The following DENND2A variants were observed in gnomAD, a reference collection of about 807,000 sequenced individuals.
The protein encoded by DENND2A is DENN domain-containing protein 2A.
A neutral mutation model predicts 105.3 loss-of-function variants in DENND2A; 53 were observed. The observed-to-expected ratio is 0.50, with a 90% CI of 0.40 to 0.63. The LOEUF (loss-of-function observed/expected upper bound fraction) is 0.63, where lower values mean the gene tolerates loss of function less well. DENND2A is among the 30% of genes least tolerant of loss of function. The pLI, the probability that DENND2A is intolerant of heterozygous loss-of-function variation, is 0.00. For missense variants in DENND2A, 1,138 were observed against 1,279.6 expected (o/e 0.89, Z 1.69); for synonymous variants, 522 against 508.4 (o/e 1.03, Z -0.36).
chr7:140,596,432 A>G (rs1799285726), intron 3 of DENND2A, among the ~76,000 whole-genome samples: 1 of 152,316 alleles, frequency 6.6e-6, no homozygotes, highest in Non-Finnish European at 1.5e-5. Flanking sequence ...ACTGAGATGG[A>G]CCACAGCTTG....
Position 140,522,678 on chromosome 7 carries a change from G to A in DENND2A, c.2666-578C>T, listed in dbSNP as rs547739052. On this transcript the variant is annotated intron_variant, in intron 17 of 19. Transcript: ENST00000496613. ...GGCTGGAGTGCAGTGGTGTGATCTC[G>A]GTCCACTGCAACCTCTGCCTCCTAG... Among the ~76,000 whole-genome samples, 18 of 148,226 alleles carry A rather than the reference G, an allele frequency of 1.2e-4. 1 individual carries two copies. Among genetic ancestry groups the A allele is most frequent in the South Asian group, 8.7e-4 (4 of 4,622 alleles).
Position 140,626,549 on chromosome 7 carries a change from G to A in DENND2A, c.-248+13955C>T, listed in dbSNP as rs10225828. Among the ~76,000 whole-genome samples the A allele has an allele frequency of 2.5e-3, 380 of 152,206 alleles. 6 individuals are homozygous for A. The highest frequency in any genetic ancestry group is 8.7e-3 in the African/African-American group (362 of 41,560). On this transcript the variant is annotated intron_variant, in intron 1 of 19. Transcript: ENST00000496613. ...TGAATGGAATGCACCCGTAGGTCAC[G>A]TTCGTTTGCTTGCTTCCTGGCACAT...
chr7:140,552,974 C>T (rs1358659055), intron 12 of DENND2A, among the ~76,000 whole-genome samples: 1 of 151,956 alleles, frequency 6.6e-6, no homozygotes, highest in African/African-American at 2.4e-5. Flanking sequence ...TATAGAAATG[C>T]TTTTAGGGGT....
At chr7:140,556,217 C>T (rs1002156402) in intron 11 of DENND2A, among the ~76,000 whole-genome samples, 6 of 152,020 alleles carry the variant, frequency 3.9e-5, no homozygotes, top group Non-Finnish European at 5.9e-5. Flanking sequence ...GGGGTTTCGC[C>T]ATATTGGCCA....
chr7:140,548,429 G>C lies in DENND2A; in HGVS notation c.2038-1490C>G, dbSNP rs557207714. On this transcript the variant is annotated intron_variant, in intron 12 of 19. Transcript: ENST00000496613. ...CCCAGCTACTTGGAAGGCTGAGGCA[G>C]GAGAATTGCTTGAGCCCAGGAATTT... Among the ~76,000 whole-genome samples the C allele has an allele frequency of 8.6e-5, 13 of 152,014 alleles. No individual in the cohort carries two copies. In the South Asian group the frequency reaches 2.7e-3, roughly 32 times the overall value.
chr7:140,635,630 T>C (rs569463879), intron 1 of DENND2A, among the ~76,000 whole-genome samples: 72 of 152,306 alleles, frequency 4.7e-4, no homozygotes, highest in Admixed American at 1.6e-3. Context: ...CTAAGCTTGC[T>C]GCAAGGGTGA....
chr7:140,624,858 G>T (rs78480320), intron 1 of DENND2A, among the ~76,000 whole-genome samples: 1,550 of 123,252 alleles, frequency 0.013, 33 homozygotes, highest in African/African-American at 0.05. Context: ...TGTTTTTTTT[G>T]TTTTTTTTTG....
Position 140,567,069 on chromosome 7 carries a change from C to T in DENND2A, c.1779+17G>A. 6.4e-7 allele frequency: 1 copy of T among 1,558,292 alleles called. No individual in the cohort carries two copies. Among genetic ancestry groups the T allele is most frequent in the Middle Eastern group, 1.7e-4 (1 of 5,968 alleles). On this transcript the variant is annotated intron_variant, in intron 9 of 19. Coordinates refer to ENST00000496613, the MANE Select transcript of DENND2A (RefSeq NM_015689.5). ...TTAGAACCCTGGCAGGCCACAGGGACCTGGCCACCCTGTTACCTTCAGAGG... is the reference window on the plus strand; with the variant it reads ...TTAGAACCCTGGCAGGCCACAGGGATCTGGCCACCCTGTTACCTTCAGAGG...
intron 8 of DENND2A, among the ~76,000 whole-genome samples, chr7:140,567,945 G>C (rs1025957538): frequency 6.6e-6 from 1 of 152,086 alleles, no homozygotes; most frequent in African/African-American, 2.4e-5. Context: ...ATCTGGACTT[G>C]CTTTCTTTTT....
chr7:140,603,809 C>A (rs1481841988), intron 2 of DENND2A, among the ~76,000 whole-genome samples: 1 of 152,204 alleles, frequency 6.6e-6, no homozygotes, highest in Non-Finnish European at 1.5e-5. Context: ...ACACCTGCCA[C>A]ATGTCAAGGA....
Position 140,567,200 on chromosome 7 carries a change from T to C in DENND2A, c.1665A>G (p.Glu555=). 1 of 1,613,680 alleles carries C rather than the reference T, an allele frequency of 6.2e-7. No homozygotes were observed. Among genetic ancestry groups the C allele is most frequent in the Non-Finnish European group, 8.5e-7 (1 of 1,179,950 alleles). ...GCTGCCTCTCCTGGTACTCGATGAG[T>C]TCCCGGGCAAGTGATGGGTACCGAG... The part of the protein sequence containing the change: ...QAPRYPSLAR[E]LIEYQERQLF... Residue 555 remains glutamate, a synonymous_variant, in exon 9 of 20, where the codon GAA becomes GAG. Coordinates refer to ENST00000496613, the MANE Select transcript of DENND2A (RefSeq NM_015689.5).
chr7:140,533,959 A>AC (rs1358143047), intron 14 of DENND2A, among the ~76,000 whole-genome samples: 1 of 151,682 alleles, frequency 6.6e-6, no homozygotes, highest in East Asian at 1.9e-4. Flanking sequence ...TGTCGCCCAG[A>AC]CTGGAGTGCA....
At chr7:140,582,272 A>G (rs574250951) in intron 5 of DENND2A, among the ~76,000 whole-genome samples, 31 of 152,136 alleles carry the variant, frequency 2.0e-4, no homozygotes, top group African/African-American at 6.5e-4. Context: ...GCCTGGGCAG[A>G]TGTTTTTCAT....
At chr7:140,544,168 A>C in intron 14 of DENND2A, 1 of 244,258 alleles carries the variant, frequency 4.1e-6, no homozygotes, top group Admixed American at 4.8e-5. Flanking sequence ...CTAGGATTAC[A>C]GGCATGAGCC....
intron 7 of DENND2A, 82 bp downstream of exon 7, chr7:140,569,563 A>G: frequency 1.0e-6 from 1 of 968,442 alleles, no homozygotes; most frequent in Non-Finnish European, 1.7e-6. Context: ...TGGTGAGCCA[A>G]CCAGAAAAAA....
intron 12 of DENND2A, among the ~76,000 whole-genome samples, chr7:140,548,469 C>T (rs1421936187): frequency 6.6e-6 from 1 of 151,762 alleles, no homozygotes; most frequent in Non-Finnish European, 1.5e-5. Context: ...CTGCAATGAG[C>T]TATGATCATG....
intron 1 of DENND2A, among the ~76,000 whole-genome samples, chr7:140,638,649 C>T (rs1400229158): frequency 1.3e-5 from 2 of 152,232 alleles, no homozygotes; most frequent in African/African-American, 4.8e-5. Flanking sequence ...CATGCACTCA[C>T]ATACTGCAAC....
intron 14 of DENND2A, among the ~76,000 whole-genome samples, chr7:140,541,819 G>A (rs773745522): frequency 6.6e-6 from 1 of 152,190 alleles, no homozygotes; most frequent in Non-Finnish European, 1.5e-5. Context: ...TAAAACACAG[G>A]GTGGGAGCAG....
At chr7:140,632,979 A>G (rs1209305663) in intron 1 of DENND2A, among the ~76,000 whole-genome samples, 2 of 149,370 alleles carry the variant, frequency 1.3e-5, no homozygotes, top group African/African-American at 2.5e-5. Context: ...CTCCTGCCTC[A>G]GCCTCCTGAG....
Sources: gnomAD v4.1 joint callset for allele counts (sites outside exome capture counted in the v4.1 genomes callset) on GRCh38, gnomAD v4.1.1 for gene constraint, MANE v1.5 for transcripts, NCBI Gene and HGNC (gene_info 2026-07-23, HGNC 2026-07-21) for gene names.